RANBP2: variants seen among roughly 807,000 people sequenced by gnomAD.
RANBP2 encodes RAN binding protein 2.
RANBP2 carries 57 observed loss-of-function variants against 303.6 expected under a neutral mutation model. The observed-to-expected ratio is 0.19, with a 90% confidence interval of 0.15 to 0.23. RANBP2 has a LOEUF of 0.23. Among genes scored for constraint, RANBP2 ranks in the 10% least tolerant of loss-of-function variants. The pLI is 1.00. For missense variants in RANBP2, 3,138 were observed against 3,780.8 expected, an observed-to-expected ratio of 0.83 and a Z score of 4.46; for synonymous variants, 1,167 against 1,301.5, an observed-to-expected ratio of 0.90 and a Z score of 2.23.
At chr2:108,739,218 A>G (rs1251520746) in intron 6 of RANBP2, among the ~76,000 whole-genome samples, 2 of 151,890 alleles carry the variant, frequency 1.3e-5, no homozygotes, top group Non-Finnish European at 1.5e-5. Flanking sequence ...CCAGCTAACA[A>G]TGGTGAAACC....
the RANBP2 span, among the ~76,000 whole-genome samples, chr2:109,096,030 TTTC>T: frequency 6.6e-6 from 1 of 152,174 alleles, no homozygotes; most frequent in African/African-American, 2.4e-5. Context: ...AGTAAAGGTT[TTTC>T]TTTTTTTAAA....
chr2:109,069,976 A>G, the RANBP2 span, among the ~76,000 whole-genome samples: 2 of 152,222 alleles, frequency 1.3e-5, no homozygotes, highest in Non-Finnish European at 2.9e-5. Context: ...TTCTCAAGGG[A>G]GGAGATTATG....
the RANBP2 span, chr2:109,616,926 TG>T: frequency 1.8e-5 from 3 of 167,084 alleles, no homozygotes; most frequent in Non-Finnish European, 2.9e-5. Context: ...TTGAATTTGC[TG>T]GGGTGTTTAT....
intron 20 of RANBP2, among the ~76,000 whole-genome samples, chr2:108,770,838 C>T (rs1366222005): frequency 6.6e-6 from 1 of 152,086 alleles, no homozygotes; most frequent in Non-Finnish European, 1.5e-5. Context: ...TGTGTTTACA[C>T]TTACTGTTAG....
Position 108,763,531 on chromosome 2 carries a change from A to G in RANBP2, c.2992A>G (p.Thr998Ala), listed in dbSNP as rs199597217. ...TGCTTCAAGATCTGCAGAATCTAAG[A>G]CTATAGAATTTGGGAAAACTAATTT... ...AHASRSAESK[T>A]IEFGKTNFVQ... Residue 998 changes from threonine to alanine, a missense_variant, in exon 20 of 29, where the codon ACT (threonine) becomes GCT (alanine). This residue lies in a region of RANBP2 where 403 missense variants were observed against 376.7 expected (regional missense o/e 1.07). Coordinates refer to ENST00000283195, the MANE Select transcript of RANBP2 (RefSeq NM_006267.5). The G allele has an allele frequency of 1.4e-4, 223 of 1,613,996 alleles. No homozygotes were observed. Among genetic ancestry groups the G allele is most frequent in the Non-Finnish European group, 1.8e-4 (208 of 1,180,012 alleles).
At chr2:109,732,217 T>C in the RANBP2 span, among the ~76,000 whole-genome samples, 2 of 152,278 alleles carry the variant, frequency 1.3e-5, no homozygotes, top group Middle Eastern at 3.4e-3. Flanking sequence ...TATTAATTAA[T>C]TGCAGGCCTA....
the RANBP2 span, among the ~76,000 whole-genome samples, chr2:109,678,240 A>G: frequency 6.6e-6 from 1 of 152,256 alleles, no homozygotes; most frequent in African/African-American, 2.4e-5. Context: ...AAAGGATCAC[A>G]AGAGCAAAAA....
At chr2:109,478,175 T>C in the RANBP2 span, among the ~76,000 whole-genome samples, 5 of 152,196 alleles carry the variant, frequency 3.3e-5, no homozygotes, top group African/African-American at 1.2e-4. Context: ...TTCTAGTGCA[T>C]TCTATGACCT....
the RANBP2 span, among the ~76,000 whole-genome samples, chr2:109,516,649 G>A: frequency 2.0e-5 from 3 of 152,160 alleles, no homozygotes; most frequent in Admixed American, 6.5e-5. Context: ...AGGCGAGCCC[G>A]TGTCTGGCCT....
chr2:109,129,741 G>T, the RANBP2 span: 12 of 1,539,244 alleles, frequency 7.8e-6, no homozygotes, highest in African/African-American at 1.4e-5. Flanking sequence ...TGGACACCAC[G>T]GCCAAGGTGC....
At chr2:109,713,024 C>T in the RANBP2 span, among the ~76,000 whole-genome samples, 1 of 152,186 alleles carries the variant, frequency 6.6e-6, no homozygotes, top group Non-Finnish European at 1.5e-5. Flanking sequence ...AAAAATCCAA[C>T]TTGAGGGTAC....
chr2:108,794,649 C>G, the RANBP2 span: 1 of 1,614,066 alleles, frequency 6.2e-7, no homozygotes, highest in Non-Finnish European at 8.5e-7. Flanking sequence ...AAGCATCAGA[C>G]AAGCGGAGTT....
downstream of RANBP2, chr2:108,787,907 A>G (rs941311366): frequency 1.9e-4 from 150 of 806,912 alleles, no homozygotes; most frequent in Non-Finnish European, 2.6e-4. Flanking sequence ...TCACTTGGTT[A>G]AGATGGTGTC....
the RANBP2 span, among the ~76,000 whole-genome samples, chr2:109,679,921 G>A: frequency 8.5e-5 from 13 of 152,278 alleles, no homozygotes; most frequent in South Asian, 8.3e-4. Flanking sequence ...GAGGCAAATC[G>A]CCAGTGTGGA....
At chr2:109,453,713 CAGAGTAT>C in the RANBP2 span, among the ~76,000 whole-genome samples, 1 of 152,202 alleles carries the variant, frequency 6.6e-6, no homozygotes, top group Admixed American at 6.5e-5. Flanking sequence ...CTGGAGGAGC[CAGAGTAT>C]AGTACAGGTC....
chr2:109,010,629 C>T, the RANBP2 span, among the ~76,000 whole-genome samples: 1 of 152,070 alleles, frequency 6.6e-6, no homozygotes, highest in African/African-American at 2.4e-5. Flanking sequence ...TCTCTAATGA[C>T]CTCATCCAAA....
At chr2:109,129,604 G>A in the RANBP2 span, 1 of 1,481,690 alleles carries the variant, frequency 6.7e-7, no homozygotes, top group East Asian at 2.8e-5. Flanking sequence ...GCAGAGCGAG[G>A]GCGACGAGGA....
chr2:109,706,503 C>T, the RANBP2 span, among the ~76,000 whole-genome samples: 3 of 152,298 alleles, frequency 2.0e-5, no homozygotes, highest in African/African-American at 7.2e-5. Flanking sequence ...CCTACTGATG[C>T]CTGCCCTGAC....
the RANBP2 span, among the ~76,000 whole-genome samples, chr2:109,433,077 A>ATGTGTGCAGAG: frequency 6.6e-6 from 1 of 152,250 alleles, no homozygotes; most frequent in Non-Finnish European, 1.5e-5. Context: ...GTATTTGTGC[A>ATGTGTGCAGAG]TGTGTGCAGA....
Sources: allele counts gnomAD v4.1 joint callset (sites outside exome capture counted in the v4.1 genomes callset), GRCh38; gene constraint gnomAD v4.1.1; regional missense constraint gnomAD v4.1.1; transcripts MANE v1.5; gene names NCBI Gene and HGNC (gene_info 2026-07-23, HGNC 2026-07-21).